RALGDS: variants seen among roughly 807,000 people sequenced by gnomAD.
The protein encoded by RALGDS is ral guanine nucleotide exchange factor.
Under a neutral mutation model 99.8 loss-of-function variants are expected in RALGDS, and 44 were observed. The observed-to-expected ratio is 0.44, with a 90% CI of 0.35 to 0.57. The LOEUF (loss-of-function observed/expected upper bound fraction) is 0.57, where lower values mean the gene tolerates loss of function less well. Ranked by LOEUF, RALGDS falls within the 20% of genes least tolerant of loss-of-function variation. The pLI is 0.01. For synonymous variants in RALGDS, 529 were observed against 505.0 expected (o/e 1.05, Z -0.64); for missense variants, 1,022 against 1,203.1 (o/e 0.85, Z 2.23).
Position 133,121,074 on chromosome 9 carries a change from G to A in RALGDS, c.81C>T (p.Arg27=). ...EPLFPGSRRS[R]SVWDAVRLEV... ...CCAGGCGCACGGCGTCCCACACGCTGCGGCTCCGCCGGGAGCCCGGAAACA... is the reference window on the plus strand; with the variant it reads ...CCAGGCGCACGGCGTCCCACACGCTACGGCTCCGCCGGGAGCCCGGAAACA... Residue 27 remains arginine (R), a synonymous_variant, in exon 1 of 18, where the codon CGC becomes CGT. Transcript: ENST00000372050. The A allele has an allele frequency of 6.7e-7, 1 of 1,483,666 alleles. No individual in the cohort carries two copies. Among genetic ancestry groups the A allele is most frequent in the Non-Finnish European group, 8.9e-7 (1 of 1,123,210 alleles). 91.9% of individuals were successfully genotyped at this position (1,483,666 alleles called of 1,614,324 possible).
intron 1 of RALGDS, chr9:133,129,541 T>C: frequency 9.8e-7 from 1 of 1,020,268 alleles, no homozygotes; most frequent in Non-Finnish European, 1.3e-6. Flanking sequence ...CAAGCTAGCC[T>C]AGCTTTCTCC....
At chr9:133,127,776 C>A (rs965896650) in intron 1 of RALGDS, among the ~76,000 whole-genome samples, 3 of 152,234 alleles carry the variant, frequency 2.0e-5, no homozygotes, top group Non-Finnish European at 1.5e-5. Flanking sequence ...GAACTCAGAG[C>A]TGGCCAGGTG....
chr9:133,115,261 A>C (rs912753640), intron 1 of RALGDS, among the ~76,000 whole-genome samples: 4 of 152,128 alleles, frequency 2.6e-5, no homozygotes, highest in Non-Finnish European at 5.9e-5. Context: ...CCCCTGCCCC[A>C]TGGATGGCTC....
At chr9:133,108,944 T>A (rs1744727161) in intron 4 of RALGDS, 78 bp from the exon 5 acceptor site, 1 of 1,421,536 alleles carries the variant, frequency 7.0e-7, no homozygotes, top group Non-Finnish European at 9.7e-7. Flanking sequence ...CCGGCCCCTG[T>A]CCATCTGAAG....
At position 133,108,790 on chromosome 9, in the gene RALGDS, G is replaced by C; in HGVS notation, c.661C>G (p.Leu221Val). The C allele has an allele frequency of 6.2e-7, 1 of 1,613,570 alleles. No individual in the cohort carries two copies. Among genetic ancestry groups the C allele is most frequent in the Non-Finnish European group, 8.5e-7 (1 of 1,180,010 alleles). ...TGCACGTAGGCCACCAGCTGCTTGA[G>C]GCAGGGAAAGTCCGGAGGTTGACAG... The part of the protein sequence containing the change: ...DFCQPPDFPC[L>V]KQLVAYVQLN... The change falls in exon 5 of 18, where the codon CTC becomes GTC. Residue 221 changes from leucine to valine, a missense_variant. Around this residue, in one of 3 missense-constraint regions of RALGDS, gnomAD observed 825 missense variants for 994.5 expected, o/e 0.83. Coordinates refer to ENST00000372050, the MANE Select transcript of RALGDS (RefSeq NM_006266.4).
At chr9:133,145,338 ACT>A (rs1369250682) in intron 1 of RALGDS, among the ~76,000 whole-genome samples, 1 of 151,676 alleles carries the variant, frequency 6.6e-6, no homozygotes, top group Non-Finnish European at 1.5e-5. Context: ...CCAGATGAGC[ACT>A]TCCCCTTCCC....
At chr9:133,108,515 G>A (rs34479413) in intron 5 of RALGDS, 109 bp from the exon 6 acceptor site, 382,164 of 1,409,592 alleles carry the variant, frequency 0.27, 54,954 homozygotes, top group Middle Eastern at 0.32. Context: ...CCCACAAAAC[G>A]TGTACCAGGC....
Position 133,121,222 on chromosome 9 carries a change from G to T in RALGDS, c.-68C>A. 2.0e-6 allele frequency: 2 copies of T among 988,132 alleles called. No individual in the cohort carries two copies. The highest frequency in any genetic ancestry group is 2.4e-6 in the Non-Finnish European group (2 of 833,432). 61.2% of individuals were successfully genotyped at this position (988,132 alleles called of 1,614,324 possible). ...CGGGGGCGGCGGCGCGGCCCGCGCGGCTGGGCTTTGCCACCGCTGTGAGCC... is the reference window on the plus strand; with the variant it reads ...CGGGGGCGGCGGCGCGGCCCGCGCGTCTGGGCTTTGCCACCGCTGTGAGCC... On this transcript the variant is annotated 5_prime_UTR_variant, in exon 1 of 18. Coordinates refer to ENST00000372050, the MANE Select transcript of RALGDS (RefSeq NM_006266.4).
In RALGDS at chr9:133,104,335, C is replaced by A. The variant is rs1830911885; in HGVS notation, c.1603-4G>T. On this transcript the variant is annotated splice_region_variant and splice_polypyrimidine_tract_variant and intron_variant, in intron 9 of 17. Coordinates refer to ENST00000372050, the MANE Select transcript of RALGDS (RefSeq NM_006266.4). ...TGGCAAACTTGGAGGTGCCCTCCTG[C>A]CAGGGTAGAGGACAGGGTCAGCAAG... The A allele has an allele frequency of 6.2e-7, 1 of 1,611,132 alleles. No homozygotes were observed. Among genetic ancestry groups the A allele is most frequent in the Non-Finnish European group, 8.5e-7 (1 of 1,177,376 alleles).
Position 133,098,670 on chromosome 9 carries a change from C to T in RALGDS, c.2662G>A (p.Gly888Arg), listed in dbSNP as rs1564224445. ...FVLKKRTFTKGVKVKHGASST... is the reference protein window; with the variant it reads ...FVLKKRTFTKRVKVKHGASST... ...CTGGCTCCGTGCTTGACCTTCACTC[C>T]CTTGGTGAAGGTCCGCTTCTTGAGG... The change falls in exon 18 of 18, where the codon GGA (glycine) becomes AGA (arginine). Residue 888 changes from glycine (G) to arginine (R), a missense_variant. Gly to Arg is a moderately radical substitution (Grantham distance 125). This residue lies in a region of RALGDS where 825 missense variants were observed against 994.5 expected (regional missense o/e 0.83). Coordinates refer to ENST00000372050, the MANE Select transcript of RALGDS (RefSeq NM_006266.4). The T allele has an allele frequency of 1.2e-6, 2 of 1,613,934 alleles. No individual in the cohort carries two copies. The highest frequency in any genetic ancestry group is 1.7e-6 in the Non-Finnish European group (2 of 1,179,852).
At chr9:133,137,482 G>A (rs940615171) in intron 1 of RALGDS, among the ~76,000 whole-genome samples, 3 of 152,260 alleles carry the variant, frequency 2.0e-5, no homozygotes, top group African/African-American at 7.2e-5. Context: ...TGATGAGGCT[G>A]GAGAGGAGCC....
At chr9:133,136,090 T>C (rs1262139858), upstream of RALGDS, among the ~76,000 whole-genome samples, 1 of 152,104 alleles carries the variant, frequency 6.6e-6, no homozygotes, top group Non-Finnish European at 1.5e-5. Context: ...GCGAATTTAC[T>C]GAACACCTAC....
intron 4 of RALGDS, 150 bp downstream of exon 4, chr9:133,109,476 C>CCCCCAGA (rs1375466244): frequency 1.3e-6 from 1 of 760,538 alleles, no homozygotes; most frequent in Non-Finnish European, 2.3e-6. Flanking sequence ...GCAGGCGAAG[C>CCCCCAGA]CCCCAGACCC....
intron 1 of RALGDS, among the ~76,000 whole-genome samples, chr9:133,138,911 G>C (rs577336929): frequency 6.6e-6 from 1 of 152,282 alleles, no homozygotes; most frequent in East Asian, 1.9e-4. Context: ...TGGGAGTACA[G>C]GCATGAGCCA....
At chr9:133,109,417 C>A (rs1420870673) in intron 4 of RALGDS, among the ~76,000 whole-genome samples, 1 of 152,164 alleles carries the variant, frequency 6.6e-6, no homozygotes, top group African/African-American at 2.4e-5. Flanking sequence ...CTGCCCCGAG[C>A]CCCAGCCACC....
intron 10 of RALGDS, 105 bp from the exon 11 acceptor site, chr9:133,103,938 GCCTCCTGGGGCCCACTGT>G: frequency 9.3e-7 from 1 of 1,079,772 alleles, no homozygotes; most frequent in South Asian, 1.3e-5. Flanking sequence ...ACCTCTGGGG[GCCTCCTGGGGCCCACTGT>G]CTCCCTGGAC....
At chr9:133,128,192 G>A (rs971548401) in intron 1 of RALGDS, among the ~76,000 whole-genome samples, 2 of 152,082 alleles carry the variant, frequency 1.3e-5, no homozygotes, top group Non-Finnish European at 2.9e-5. Context: ...AGGCCGAAGT[G>A]GAGGGAAGCA....
upstream of RALGDS, among the ~76,000 whole-genome samples, chr9:133,133,104 T>C (rs1419877240): frequency 6.7e-6 from 1 of 150,238 alleles, no homozygotes; most frequent in Admixed American, 6.6e-5. Context: ...CTTTCTGTGC[T>C]ATTCTTGAAT....
intron 17 of RALGDS, chr9:133,099,222 C>T: frequency 5.8e-6 from 1 of 171,424 alleles, no homozygotes; most frequent in Non-Finnish European, 1.3e-5. Context: ...GCAAGCACTT[C>T]CTTTTGGCTC....
Sources: allele counts gnomAD v4.1 joint callset (sites outside exome capture counted in the v4.1 genomes callset), GRCh38; gene constraint gnomAD v4.1.1; regional missense constraint gnomAD v4.1.1; transcripts MANE v1.5; gene names NCBI Gene and HGNC (gene_info 2026-07-23, HGNC 2026-07-21).